Variants in TMOD1 observed in about 807,000 individuals in gnomAD.
The protein encoded by TMOD1 is tropomodulin-1.
TMOD1 carries 17 observed loss-of-function variants against 40.6 expected under a neutral mutation model. The observed-to-expected ratio is 0.42, with a 90% CI of 0.29 to 0.63. TMOD1 has a LOEUF of 0.63. Among genes scored for constraint, TMOD1 ranks in the 20% least tolerant of loss-of-function variants. The pLI is 0.22. For missense variants in TMOD1, 391 were observed against 447.6 expected, an observed-to-expected ratio of 0.87 and a Z score of 1.14; for synonymous variants, 181 against 175.0, an observed-to-expected ratio of 1.03 and a Z score of -0.27.
At chr9:97,524,042 TA>T in intron 1 of TMOD1, 98 bp from the exon 2 acceptor site, 1 of 851,720 alleles carries the variant, frequency 1.2e-6, no homozygotes, top group Non-Finnish European at 1.8e-6. Context: ...TGGCAATTCA[TA>T]AAATGTACCC....
chr9:97,523,093 G>T (rs1443164182), intron 1 of TMOD1, among the ~76,000 whole-genome samples: 1 of 152,120 alleles, frequency 6.6e-6, no homozygotes, highest in African/African-American at 2.4e-5. Context: ...TTAATTAAAA[G>T]ACCTATTAGT....
chr9:97,505,096 T>C (rs551189729), intron 1 of TMOD1, among the ~76,000 whole-genome samples: 1 of 152,362 alleles, frequency 6.6e-6, no homozygotes, highest in Non-Finnish European at 1.5e-5. Flanking sequence ...AATGAGCTCA[T>C]TGGAGTCAAC....
At chr9:97,574,653 C>A (rs1328215733) in intron 8 of TMOD1, among the ~76,000 whole-genome samples, 1 of 152,246 alleles carries the variant, frequency 6.6e-6, no homozygotes, top group Admixed American at 6.5e-5. Context: ...CTGGTGGGGA[C>A]TTGGAGAATC....
chr9:97,570,483 C>T (rs560086442), intron 8 of TMOD1, among the ~76,000 whole-genome samples: 2 of 152,194 alleles, frequency 1.3e-5, no homozygotes, highest in East Asian at 3.9e-4. Flanking sequence ...GGAGTATTTA[C>T]ACTATGGAAA....
chr9:97,555,839 G>C, intron 4 of TMOD1: 1 of 794,020 alleles, frequency 1.3e-6, no homozygotes, highest in Non-Finnish European at 2.1e-6. Flanking sequence ...TGCCCAAAGG[G>C]TTTAAACCCA....
chr9:97,518,866 T>A (rs1000106248), intron 1 of TMOD1, among the ~76,000 whole-genome samples: 3 of 152,212 alleles, frequency 2.0e-5, no homozygotes, highest in Admixed American at 6.5e-5. Context: ...ATAAAATCCC[T>A]TTGGCCAAAG....
intron 6 of TMOD1, among the ~76,000 whole-genome samples, chr9:97,565,080 G>A (rs557647674): frequency 6.6e-6 from 1 of 152,300 alleles, no homozygotes; most frequent in South Asian, 2.1e-4. Flanking sequence ...TCTTTCATGT[G>A]CCCAGTAGGA....
intron 1 of TMOD1, chr9:97,516,542 A>C (rs1295960248): frequency 6.5e-6 from 1 of 152,718 alleles, no homozygotes; most frequent in African/African-American, 2.4e-5. Flanking sequence ...GCTTGGGAGT[A>C]GCATGAGGAC....
At chr9:97,506,800 T>C (rs1829598984) in intron 1 of TMOD1, among the ~76,000 whole-genome samples, 1 of 152,248 alleles carries the variant, frequency 6.6e-6, no homozygotes, top group Non-Finnish European at 1.5e-5. Flanking sequence ...TCTTGTTTTA[T>C]ATCCGTGCTT....
intron 4 of TMOD1, chr9:97,555,801 A>G: frequency 9.4e-7 from 1 of 1,068,794 alleles, no homozygotes; most frequent in Non-Finnish European, 1.4e-6. Flanking sequence ...ATGGATGGAG[A>G]AAGTAGGCAA....
At chr9:97,569,174 C>T (rs1830780125) in intron 8 of TMOD1, 137 bp downstream of exon 8, 3 of 1,104,276 alleles carry the variant, frequency 2.7e-6, no homozygotes, top group Non-Finnish European at 1.3e-6. Context: ...CCTCCAAGGT[C>T]CCTAAAGTTC....
rs987921607 is a variant in TMOD1 at position 97,557,466 on chromosome 9, C to A, written c.397+4066C>A. On this transcript the variant is annotated intron_variant, in intron 4 of 9. Transcript: ENST00000259365. The surrounding 1 kb of genome is among the most constrained non-coding windows in gnomAD (Gnocchi z 4.4). Reference sequence around the variant, plus strand: ...GCCTCGGGCCACTCACCCCCAAGGGCAGTTGGCAACCTGGGGGTCTTGCAG... The same window carrying A: ...GCCTCGGGCCACTCACCCCCAAGGGAAGTTGGCAACCTGGGGGTCTTGCAG... 6.6e-6 allele frequency among the ~76,000 whole-genome samples: 1 copy of A among 152,210 alleles called. No homozygotes were observed. The highest frequency in any genetic ancestry group is 2.4e-5 in the African/African-American group (1 of 41,466).
rs1044760253 is a variant in TMOD1, at chr9:97,501,671, C to A, written c.-181C>A. 2 of 148,330 alleles carry A rather than the reference C, an allele frequency of 1.3e-5. No homozygotes were observed. The highest frequency in any genetic ancestry group is 4.9e-5 in the African/African-American group (2 of 40,944). The allele number at this position is 148,330 out of a possible 1,614,324, so 9.2% of individuals were successfully genotyped here. ...GCCCGCCCGCGGCCGCCCGGGAGCTCGTCCAGCCCCGCGCTGCGCTCGCCC... is the reference window on the plus strand; with the variant it reads ...GCCCGCCCGCGGCCGCCCGGGAGCTAGTCCAGCCCCGCGCTGCGCTCGCCC... On this transcript the variant is annotated 5_prime_UTR_variant, in exon 1 of 10. Coordinates refer to ENST00000259365, the MANE Select transcript of TMOD1 (RefSeq NM_003275.4).
intron 7 of TMOD1, 120 bp downstream of exon 7, chr9:97,566,075 A>G (rs1031987581): frequency 1.4e-5 from 11 of 804,504 alleles, no homozygotes; most frequent in Non-Finnish European, 2.2e-5. Context: ...GTACAGTGGA[A>G]GGCATTGGAC....
At position 97,601,250 on chromosome 9, in the gene TMOD1, A is replaced by G; in HGVS notation, c.*1552A>G. 1 of 1,230,068 alleles carries G rather than the reference A, an allele frequency of 8.1e-7. No individual in the cohort carries two copies. The highest frequency in any genetic ancestry group is 1.1e-6 in the Non-Finnish European group (1 of 948,672). The allele number at this position is 1,230,068 out of a possible 1,614,324, so 76.2% of individuals were successfully genotyped here. A position where few individuals can be genotyped will look rare whatever the true frequency, so the allele number is the denominator to read the frequency against. On this transcript the variant is annotated 3_prime_UTR_variant, in exon 10 of 10. Transcript: ENST00000259365. ...AATATAATATTAAATCTGTTGGTCT[A>G]TGCATGGCTGCGTATGTGTTTCTTG... is the stretch of plus-strand genomic sequence containing the variant.
chr9:97,518,256 CAT>C (rs1179683663), intron 1 of TMOD1, among the ~76,000 whole-genome samples: 1 of 152,018 alleles, frequency 6.6e-6, no homozygotes, highest in East Asian at 1.9e-4. Context: ...TGGATCCAGA[CAT>C]GTGCAGAGGG....
intron 8 of TMOD1, among the ~76,000 whole-genome samples, chr9:97,589,418 T>C (rs1364908233): frequency 6.7e-6 from 1 of 150,038 alleles, no homozygotes. Context: ...ACTACAGGTG[T>C]GCGCCACCAC....
intron 2 of TMOD1, among the ~76,000 whole-genome samples, chr9:97,541,360 G>C (rs1400783555): frequency 6.6e-6 from 1 of 151,876 alleles, no homozygotes; most frequent in Non-Finnish European, 1.5e-5. Context: ...GCTAATTTTT[G>C]TATTTTTAGT....
In TMOD1 at chr9:97,599,765, G is replaced by T. The variant is rs1295634756; in HGVS notation, c.*67G>T. The T allele has an allele frequency of 6.2e-7, 1 of 1,610,280 alleles. No homozygotes were observed. Among genetic ancestry groups the T allele is most frequent in the Admixed American group, 1.7e-5 (1 of 59,908 alleles). ...TATTGATGACCTGTGCTCTGCAGGG[G>T]AAACCAGAAGGCAAAATGCTGGCAG... On this transcript the variant is annotated 3_prime_UTR_variant, in exon 10 of 10. Transcript: ENST00000259365.
Sources: allele counts gnomAD v4.1 joint callset (sites outside exome capture counted in the v4.1 genomes callset), GRCh38; gene constraint gnomAD v4.1.1; non-coding constraint Gnocchi (gnomAD v3.1); transcripts MANE v1.5; gene names NCBI Gene and HGNC (gene_info 2026-07-23, HGNC 2026-07-21).